PLD5: variants seen among roughly 807,000 people sequenced by gnomAD.
PLD5 encodes phospholipase D family member 5.
In PLD5, 36 loss-of-function variants were observed where a neutral mutation model predicts 61.1. The ratio of observed to expected loss-of-function variants is 0.59; its 90% CI spans 0.45 to 0.78. PLD5 has a LOEUF of 0.78. Among genes scored for constraint, PLD5 ranks in the 30% least tolerant of loss-of-function variants. The pLI is 0.00. For missense variants in PLD5, 515 were observed against 644.4 expected (o/e 0.80, Z 2.17); for synonymous variants, 243 against 242.8 (o/e 1.00, Z -0.01).
At chr1:242,411,457 G>C (rs570155030) in intron 1 of PLD5, among the ~76,000 whole-genome samples, 4 of 151,948 alleles carry the variant, frequency 2.6e-5, no homozygotes, top group African/African-American at 7.3e-5. Context: ...GGGTGGTCTC[G>C]ATCTCCTGAC....
chr1:242,124,076 G>A (rs904521032), intron 6 of PLD5, among the ~76,000 whole-genome samples: 13 of 152,194 alleles, frequency 8.5e-5, no homozygotes, highest in African/African-American at 3.1e-4. Context: ...TCAATGTAGG[G>A]CATTGAAAAC....
At chr1:242,528,342 A>T (rs1669489396), upstream of PLD5, among the ~76,000 whole-genome samples, 1 of 152,198 alleles carries the variant, frequency 6.6e-6, no homozygotes, top group Admixed American at 6.5e-5. Flanking sequence ...AATATTCTTT[A>T]TGTCATTCTA....
chr1:242,363,113 C>A (rs570313818), intron 1 of PLD5, among the ~76,000 whole-genome samples: 1 of 152,202 alleles, frequency 6.6e-6, no homozygotes, highest in African/African-American at 2.4e-5. Context: ...CAGCTGAGTG[C>A]TGATTGGCAC....
intron 5 of PLD5, among the ~76,000 whole-genome samples, chr1:242,206,002 C>T (rs1224993339): frequency 6.6e-6 from 1 of 152,202 alleles, no homozygotes. Flanking sequence ...CTTGGCGAGG[C>T]AGAGGGAGTG....
At chr1:242,433,175 G>A (rs1665810500) in intron 1 of PLD5, among the ~76,000 whole-genome samples, 1 of 152,156 alleles carries the variant, frequency 6.6e-6, no homozygotes, top group East Asian at 1.9e-4. Context: ...CATAAACATA[G>A]CTTATGTTCA....
At chr1:242,126,511 C>G (rs1390050255) in intron 5 of PLD5, among the ~76,000 whole-genome samples, 1 of 152,188 alleles carries the variant, frequency 6.6e-6, no homozygotes, top group African/African-American at 2.4e-5. Flanking sequence ...AGCCCAAATA[C>G]TTACAGCCAA....
chr1:242,334,514 T>C (rs552101127), intron 2 of PLD5, among the ~76,000 whole-genome samples: 73 of 152,256 alleles, frequency 4.8e-4, no homozygotes, highest in Admixed American at 1.2e-3. Flanking sequence ...ATGCAGCGTG[T>C]TGGACAACGT....
At chr1:242,322,353 C>A (rs1362944743) in intron 2 of PLD5, among the ~76,000 whole-genome samples, 3 of 152,198 alleles carry the variant, frequency 2.0e-5, no homozygotes, top group Non-Finnish European at 2.9e-5. Context: ...CTACCTTTTT[C>A]AAGTCTTTGT....
At chr1:242,456,107 C>G (rs1407228839) in intron 1 of PLD5, among the ~76,000 whole-genome samples, 1 of 152,060 alleles carries the variant, frequency 6.6e-6, no homozygotes, top group Non-Finnish European at 1.5e-5. Flanking sequence ...TATTTAGGTA[C>G]ATGGAATTTT....
chr1:242,381,962 C>A (rs564420824), intron 1 of PLD5, among the ~76,000 whole-genome samples: 1 of 151,938 alleles, frequency 6.6e-6, no homozygotes, highest in Non-Finnish European at 1.5e-5. Context: ...AAGAGACAAA[C>A]GACTTAAGAG....
chr1:242,272,239 G>C (rs1324353444), intron 3 of PLD5, among the ~76,000 whole-genome samples: 3 of 152,038 alleles, frequency 2.0e-5, no homozygotes, highest in Non-Finnish European at 4.4e-5. Flanking sequence ...ATGTACCAAA[G>C]AGCATGGCAA....
intron 2 of PLD5, among the ~76,000 whole-genome samples, chr1:242,304,214 A>G (rs1329697116): frequency 6.6e-5 from 10 of 152,242 alleles, no homozygotes; most frequent in South Asian, 2.1e-4. Flanking sequence ...GTTCAAAAGC[A>G]TAAGTGTCAA....
At chr1:242,466,127 T>A (rs1342880724) in intron 1 of PLD5, among the ~76,000 whole-genome samples, 2 of 152,184 alleles carry the variant, frequency 1.3e-5, no homozygotes, top group African/African-American at 4.8e-5. Flanking sequence ...GATTCCCCCA[T>A]CCTACTCTAA....
chr1:242,519,785 A>G (rs1423438500), intron 1 of PLD5, among the ~76,000 whole-genome samples: 2 of 152,340 alleles, frequency 1.3e-5, no homozygotes, highest in African/African-American at 4.8e-5. Context: ...AACAGACAGC[A>G]TAACAGGCCC....
At chr1:242,240,615 G>A (rs997710829) in intron 4 of PLD5, among the ~76,000 whole-genome samples, 2 of 152,090 alleles carry the variant, frequency 1.3e-5, no homozygotes, top group African/African-American at 2.4e-5. Context: ...AAACATCAGG[G>A]AGTTTTAGGC....
intron 5 of PLD5, among the ~76,000 whole-genome samples, chr1:242,193,486 G>A (rs951444114): frequency 2.6e-5 from 4 of 152,284 alleles, no homozygotes; most frequent in Non-Finnish European, 2.9e-5. Flanking sequence ...TCCACGGAGG[G>A]GTTCCCCTTG....
chr1:242,461,366 G>T (rs958435572), intron 1 of PLD5, among the ~76,000 whole-genome samples: 2 of 152,174 alleles, frequency 1.3e-5, no homozygotes, highest in African/African-American at 2.4e-5. Context: ...CTGGGACTCT[G>T]TTGGAGGTGT....
At chr1:242,223,849 AATAGAGAG>A (rs1670761697) in intron 4 of PLD5, among the ~76,000 whole-genome samples, 1 of 109,958 alleles carries the variant, frequency 9.1e-6, no homozygotes, top group African/African-American at 3.9e-5. Context: ...GATATATATA[AATAGAGAG>A]AGAGAGAGAG....
chr1:242,289,495 C>G (rs1255121920), intron 2 of PLD5, among the ~76,000 whole-genome samples: 3 of 152,158 alleles, frequency 2.0e-5, no homozygotes. Flanking sequence ...ATTACAGACA[C>G]CTGCCACCAT....
Sources: gnomAD v4.1 joint callset for allele counts (sites outside exome capture counted in the v4.1 genomes callset) on GRCh38, gnomAD v4.1.1 for gene constraint, MANE v1.5 for transcripts, NCBI Gene and HGNC (gene_info 2026-07-23, HGNC 2026-07-21) for gene names.